DEPDC5: variants seen among roughly 807,000 people sequenced by gnomAD.
The protein encoded by DEPDC5 is DEP domain containing 5, GATOR1 subcomplex subunit.
A neutral mutation model predicts 217.3 loss-of-function variants in DEPDC5; 73 were observed. The ratio of observed to expected loss-of-function variants is 0.34; its 90% CI spans 0.28 to 0.41. DEPDC5 has a LOEUF of 0.41. Among genes scored for constraint, DEPDC5 ranks in the 10% least tolerant of loss-of-function variants. The probability of loss-of-function intolerance (pLI) is 1.00; values close to 1 mark genes in which losing one functional copy is unlikely to be tolerated. For missense variants in DEPDC5, 1,675 were observed against 2,070.1 expected (o/e 0.81, Z 3.70); for synonymous variants, 733 against 756.7 (o/e 0.97, Z 0.51).
chr22:31,759,364 G>GT (rs939241308), intron 3 of DEPDC5, among the ~76,000 whole-genome samples: 51 of 125,588 alleles, frequency 4.1e-4, no homozygotes, highest in East Asian at 2.2e-3. Flanking sequence ...CGTTTTTTTT[G>GT]TTTTTTTTGT....
At chr22:31,897,404 G>A (rs2093572295) in intron 39 of DEPDC5, 78 bp from the exon 40 acceptor site, 2 of 1,522,432 alleles carry the variant, frequency 1.3e-6, no homozygotes, top group African/African-American at 1.4e-5. Context: ...TTTCTGGCGG[G>A]TTTTCTCCTT....
rs2092818693 is a variant in DEPDC5, at chr22:31,870,784, G to A, written c.3485+40G>A. On this transcript the variant is annotated intron_variant, in intron 34 of 42. Coordinates refer to ENST00000651528, the MANE Select transcript of DEPDC5 (RefSeq NM_001242896.3). ...GGCCAAACTCATGTTCCTGGGGAGT[G>A]GGGACAGTCTGATCTCAAAGGCTGC... is the stretch of plus-strand genomic sequence containing the variant. 7 of 1,482,648 alleles carry A rather than the reference G, an allele frequency of 4.7e-6. No individual in the cohort carries two copies. The East Asian group carries it at 1.8e-4, about 37-fold the overall frequency. The allele number at this position is 1,482,648 out of a possible 1,614,324, so 91.8% of individuals were successfully genotyped here. A position where few individuals can be genotyped will look rare whatever the true frequency, so the allele number is the denominator to read the frequency against.
intron 38 of DEPDC5, among the ~76,000 whole-genome samples, chr22:31,884,516 C>T (rs1210558972): frequency 8.5e-5 from 13 of 152,226 alleles, no homozygotes; most frequent in Admixed American, 8.5e-4. Flanking sequence ...TCTGACTCCT[C>T]CTTTAAACCC....
At chr22:31,901,928 C>A in intron 41 of DEPDC5, 126 bp downstream of exon 41, 3 of 794,398 alleles carry the variant, frequency 3.8e-6, no homozygotes, top group Non-Finnish European at 6.3e-6. Context: ...ATGGCAAATT[C>A]ACTGCTTATC....
chr22:31,895,143 C>T (rs1255960525), intron 39 of DEPDC5, among the ~76,000 whole-genome samples: 1 of 57,606 alleles, frequency 1.7e-5, no homozygotes, highest in East Asian at 6.2e-4. Context: ...GAATCCGTCT[C>T]AAAAAAAAAA....
At chr22:31,867,828 T>G (rs2092729264) in intron 33 of DEPDC5, among the ~76,000 whole-genome samples, 1 of 152,144 alleles carries the variant, frequency 6.6e-6, no homozygotes, top group Non-Finnish European at 1.5e-5. Flanking sequence ...AGGACTAATG[T>G]GCATTTCTGG....
In DEPDC5 at chr22:31,836,993, C is replaced by T. The variant is rs200841588; in HGVS notation, c.2192C>T (p.Pro731Leu). 192 of 1,614,126 alleles carry T rather than the reference C, an allele frequency of 1.2e-4. 1 individual carries two copies. Among genetic ancestry groups the T allele is most frequent in the Non-Finnish European group, 1.9e-5 (22 of 1,180,026 alleles). Reference protein sequence around the residue: ...PDPILTLSAPPVVPGFCCTVG... With the variant: ...PDPILTLSAPLVVPGFCCTVG... ...GCAGTTCTGACACTGTCTGCTCCCC[C>T]TGTAGTGCCAGGCTTCTGTTGCACA... The change falls in exon 26 of 43, where the codon CCT becomes CTT. Residue 731 changes from proline to leucine, a missense_variant. Physicochemically the swap from Pro to Leu is moderately conservative, Grantham distance 98. Around this residue, in one of 11 missense-constraint regions of DEPDC5, gnomAD observed 136 missense variants for 132.2 expected, o/e 1.03. Transcript: ENST00000651528.
At chr22:31,817,588 A>T (rs2089272367) in intron 21 of DEPDC5, 1 of 227,560 alleles carries the variant, frequency 4.4e-6, no homozygotes, top group Non-Finnish European at 8.9e-6. Flanking sequence ...TCCTGGGCTC[A>T]CGTGATCCTC....
intron 36 of DEPDC5, among the ~76,000 whole-genome samples, chr22:31,874,924 C>T (rs907561106): frequency 6.6e-6 from 1 of 152,200 alleles, no homozygotes. Flanking sequence ...TCACCAGTGC[C>T]AGGCATGTTG....
chr22:31,890,771 G>C (rs1437419823), intron 38 of DEPDC5, among the ~76,000 whole-genome samples: 1 of 151,890 alleles, frequency 6.6e-6, no homozygotes, highest in African/African-American at 2.4e-5. Context: ...TGTTGCCCAG[G>C]CTAGAGTGCA....
chr22:31,792,595 G>A (rs1048037128), intron 11 of DEPDC5, 150 bp from the exon 12 acceptor site: 10 of 426,964 alleles, frequency 2.3e-5, no homozygotes, highest in African/African-American at 3.1e-5. Context: ...GACAGAGTGA[G>A]ACCTTGTCTC....
intron 7 of DEPDC5, among the ~76,000 whole-genome samples, chr22:31,774,009 T>G (rs920722840): frequency 5.3e-5 from 8 of 151,766 alleles, no homozygotes; most frequent in African/African-American, 9.7e-5. Context: ...AGGCAGAGGT[T>G]GTGGTGAGCC....
At chr22:31,876,076 C>T in intron 36 of DEPDC5, 81 bp from the exon 37 acceptor site, 5 of 1,287,034 alleles carry the variant, frequency 3.9e-6, no homozygotes, top group Non-Finnish European at 5.6e-6. Context: ...CTGTCACTCC[C>T]TTGTCTCCAG....
chr22:31,803,963 G>A (rs1455933538), intron 15 of DEPDC5, among the ~76,000 whole-genome samples, 199 bp from the exon 16 acceptor site: 1 of 152,144 alleles, frequency 6.6e-6, no homozygotes, highest in East Asian at 1.9e-4. Context: ...TGATACGTTA[G>A]TAGGGCACTT....
chr22:31,870,563 A>C, intron 33 of DEPDC5, 27 bp from the exon 34 acceptor site: 1 of 1,472,780 alleles, frequency 6.8e-7, no homozygotes, highest in South Asian at 1.4e-5. Context: ...TTTTGGAATC[A>C]AGTATTCATT....
intron 21 of DEPDC5, among the ~76,000 whole-genome samples, chr22:31,818,351 C>T (rs1234237954): frequency 1.3e-5 from 2 of 152,238 alleles, no homozygotes; most frequent in Admixed American, 6.5e-5. Flanking sequence ...GCTACTGATC[C>T]ACTCAGTCCA....
Position 31,857,375 on chromosome 22 carries a change from C to G in DEPDC5, c.3156-70C>G. On this transcript the variant is annotated intron_variant, in intron 31 of 42. Coordinates refer to ENST00000651528, the MANE Select transcript of DEPDC5 (RefSeq NM_001242896.3). Reference sequence around the variant, plus strand: ...ATGACAGCAACAGAGCTGTCTGCATCTTGGCCGACATGGATCCTTCACCAG... The same window carrying G: ...ATGACAGCAACAGAGCTGTCTGCATGTTGGCCGACATGGATCCTTCACCAG... 2.2e-6 allele frequency: 3 copies of G among 1,360,248 alleles called. No homozygotes were observed. The East Asian group carries it at 7.6e-5, about 34-fold the overall frequency. 84.3% of individuals were successfully genotyped at this position (1,360,248 alleles called of 1,614,324 possible). A position where few individuals can be genotyped will look rare whatever the true frequency, so the allele number is the denominator to read the frequency against.
Position 31,766,577 on chromosome 22 carries a change from C to T in DEPDC5, c.280-8C>T, listed in dbSNP as rs780170130. On this transcript the variant is annotated splice_region_variant and splice_polypyrimidine_tract_variant and intron_variant, in intron 5 of 42. Transcript: ENST00000651528. ...ATGTCAGAGATATCATTTGATTATT[C>T]CTTTTAGGATGTGACCCTTGACCTA... 5.6e-6 allele frequency: 9 copies of T among 1,612,048 alleles called. No individual in the cohort carries two copies. Among genetic ancestry groups the T allele is most frequent in the Non-Finnish European group, 7.6e-6 (9 of 1,178,856 alleles).
At chr22:31,856,915 G>A (rs1009575946) in intron 31 of DEPDC5, among the ~76,000 whole-genome samples, 4 of 152,028 alleles carry the variant, frequency 2.6e-5, no homozygotes, top group East Asian at 1.9e-4. Context: ...GACTGTAGGC[G>A]TGCACTGCCA....
Sources: gnomAD v4.1 joint callset for allele counts (sites outside exome capture counted in the v4.1 genomes callset) on GRCh38, gnomAD v4.1.1 for gene constraint, gnomAD v4.1.1 regional missense constraint, MANE v1.5 for transcripts, NCBI Gene and HGNC (gene_info 2026-07-23, HGNC 2026-07-21) for gene names.